KLF5: variants seen among roughly 807,000 people sequenced by gnomAD.
KLF5 encodes the protein KLF transcription factor 5, also known as Krueppel-like factor 5.
A neutral mutation model predicts 36.9 loss-of-function variants in KLF5; 9 were observed. The ratio of observed to expected loss-of-function variants is 0.24; its 90% CI spans 0.15 to 0.43. The LOEUF is 0.43. KLF5 is among the 20% of genes least tolerant of loss of function. The probability of loss-of-function intolerance (pLI) is 1.00; values close to 1 mark genes in which losing one functional copy is unlikely to be tolerated. For missense variants in KLF5, 524 were observed against 599.5 expected, an observed-to-expected ratio of 0.87 and a Z score of 1.31; for synonymous variants, 246 against 241.7, an observed-to-expected ratio of 1.02 and a Z score of -0.17.
chr13:73,059,455 C>T lies in KLF5; in HGVS notation c.128C>T (p.Ala43Val). The change falls in exon 1 of 4, where the codon GCG becomes GTG. Residue 43 changes from alanine (A) to valine (V), a missense_variant. Physicochemically the swap from Ala to Val is moderately conservative, Grantham distance 64 (BLOSUM62 0). This residue lies in a region of KLF5 where 454 missense variants were observed against 458.1 expected (regional missense o/e 0.99). Coordinates refer to ENST00000377687, the MANE Select transcript of KLF5 (RefSeq NM_001730.5). The stretch of plus-strand genomic sequence containing the variant: ...GGCGCCGCGAATCCGGCCCGCGACG[C>T]GGCGCTCTTCCCCGGCGAGGAGCTG... Reference protein sequence around the residue: ...VLGAANPARDAALFPGEELKH... With the variant: ...VLGAANPARDVALFPGEELKH... 1 of 1,279,514 alleles carries T rather than the reference C, an allele frequency of 7.8e-7. No individual in the cohort carries two copies. The highest frequency in any genetic ancestry group is 9.9e-7 in the Non-Finnish European group (1 of 1,013,554). 79.3% of individuals were successfully genotyped at this position (1,279,514 alleles called of 1,614,324 possible).
chr13:73,058,070 G>T (rs1200876197), upstream of KLF5, among the ~76,000 whole-genome samples: 1 of 152,182 alleles, frequency 6.6e-6, no homozygotes, highest in African/African-American at 2.4e-5. Context: ...AATGTGCTAG[G>T]TTTCTGCTTT....
At chr13:73,057,134 C>T (rs900791736), upstream of KLF5, among the ~76,000 whole-genome samples, 2 of 152,022 alleles carry the variant, frequency 1.3e-5, no homozygotes, top group East Asian at 1.9e-4. Context: ...ATACAGCTAC[C>T]GAATGTATTA....
chr13:73,060,064 G>C (rs1206324283), intron 1 of KLF5, among the ~76,000 whole-genome samples: 1 of 150,858 alleles, frequency 6.6e-6, no homozygotes, highest in Non-Finnish European at 1.5e-5. Context: ...TTTCATACCC[G>C]GTGGCTCAAC....
intron 3 of KLF5, 45 bp downstream of exon 3, chr13:73,063,928 A>C (rs534052969): frequency 2.5e-6 from 3 of 1,214,848 alleles, no homozygotes; most frequent in Middle Eastern, 1.9e-4. Flanking sequence ...TAAATAGTGT[A>C]AGTGGTATTC....
At chr13:73,059,773 A>ATG (rs1555336711) in intron 1 of KLF5, 185 bp downstream of exon 1, 25 of 466,070 alleles carry the variant, frequency 5.4e-5, no homozygotes, top group Non-Finnish European at 6.3e-5. Context: ...CTGAGAGTAA[A>ATG]TGGGGGGGGG....
intron 1 of KLF5, 76 bp downstream of exon 1, chr13:73,059,664 CAG>C (rs2044615714): frequency 9.5e-7 from 1 of 1,057,828 alleles, no homozygotes; most frequent in Non-Finnish European, 1.1e-6. Context: ...TCGCGGGCGA[CAG>C]GGGCCGCTCC....
intron 1 of KLF5, 55 bp downstream of exon 1, chr13:73,059,643 G>A: frequency 1.8e-6 from 2 of 1,121,728 alleles, no homozygotes; most frequent in Non-Finnish European, 2.2e-6. Flanking sequence ...GGCGTGTCCC[G>A]TTGCTGCGAC....
At chr13:73,066,015 TCCCTTGCATCAG>T (rs2044676946) in intron 3 of KLF5, among the ~76,000 whole-genome samples, 1 of 152,190 alleles carries the variant, frequency 6.6e-6, no homozygotes, top group Admixed American at 6.5e-5. Context: ...CTGGTTTGGG[TCCCTTGCATCAG>T]CTTTTTCACC....
At chr13:73,063,305 A>G (rs576217397) in intron 2 of KLF5, among the ~76,000 whole-genome samples, 2 of 152,222 alleles carry the variant, frequency 1.3e-5, no homozygotes, top group Non-Finnish European at 2.9e-5. Context: ...ACATGGCCCA[A>G]AGTATAAGTT....
Position 73,059,540 on chromosome 13 carries a change from C to T in KLF5, c.213C>T (p.Ala71=). The T allele has an allele frequency of 1.7e-6, 2 of 1,183,576 alleles. No homozygotes were observed. Among genetic ancestry groups the T allele is most frequent in the Non-Finnish European group, 2.1e-6 (2 of 960,874 alleles). The allele number at this position is 1,183,576 out of a possible 1,614,324, so 73.3% of individuals were successfully genotyped here. A position where few individuals can be genotyped will look rare whatever the true frequency, so the allele number is the denominator to read the frequency against. The change falls in exon 1 of 4, where the codon GCC becomes GCT. Residue 71 remains alanine (A), a synonymous_variant. Coordinates refer to ENST00000377687, the MANE Select transcript of KLF5 (RefSeq NM_001730.5). ...CGCCCGCGCAGGCCCCGCAGCCGGC[C>T]CAGCCGCCCGCCACCGGCCCGCGGC... ...QPAPAQAPQP[A]QPPATGPRLP...
intron 2 of KLF5, 103 bp from the exon 3 acceptor site, chr13:73,063,721 A>G (rs2044657915): frequency 5.0e-6 from 4 of 799,286 alleles, no homozygotes; most frequent in South Asian, 3.0e-5. Flanking sequence ...CTCATCTAGC[A>G]TGAGAGATTT....
rs1459494191 is a variant in KLF5 at position 73,062,056 on chromosome 13, T to G, written c.457T>G (p.Ser153Ala). ...ITHLRTGLYK[S>A]QRPCVTHIKT... ...TCACCTGAGAACTGGCCTCTACAAA[T>G]CCCAGAGACCGTGCGTAACACACAT... The change falls in exon 2 of 4, where the codon TCC (serine) becomes GCC (alanine). Residue 153 changes from serine to alanine, a missense_variant. Ser to Ala is a moderately conservative substitution (Grantham distance 99, BLOSUM62 1). Coordinates refer to ENST00000377687, the MANE Select transcript of KLF5 (RefSeq NM_001730.5). The G allele has an allele frequency of 1.9e-6, 3 of 1,613,950 alleles. No individual in the cohort carries two copies. The African/African-American group carries it at 4.0e-5, about 22-fold the overall frequency.
At chr13:73,059,712 T>C in intron 1 of KLF5, 124 bp downstream of exon 1, 1 of 892,952 alleles carries the variant, frequency 1.1e-6, no homozygotes, top group Non-Finnish European at 1.3e-6. Flanking sequence ...CCGGAGCCGG[T>C]GCTGGGTGGG....
In KLF5 at chr13:73,074,492, TA is replaced by T. The variant is rs368175451; in HGVS notation, c.1196-1210del. ...TACAAATTTATCTCACGAATTCTTA[TA>T]AAAAATTCATAGAAAATTATAAAAT... On this transcript the variant is annotated intron_variant, in intron 3 of 3. Transcript: ENST00000377687. Among the ~76,000 whole-genome samples, 1,334 of 152,316 alleles carry T rather than the reference TA, an allele frequency of 8.8e-3. 12 individuals carry two copies. Among genetic ancestry groups the T allele is most frequent in the Non-Finnish European group, 0.015 (987 of 68,018 alleles).
intron 1 of KLF5, among the ~76,000 whole-genome samples, chr13:73,061,080 G>A: frequency 6.6e-6 from 1 of 151,888 alleles, no homozygotes; most frequent in East Asian, 1.9e-4. Context: ...CCCCACCCAC[G>A]GGCTCCTTAG....
At position 73,059,363 on chromosome 13, in the gene KLF5, G is replaced by A. The variant is rs2044611191; in HGVS notation, c.36G>A (p.Leu12=). 7.0e-7 allele frequency: 1 copy of A among 1,421,396 alleles called. No individual in the cohort carries two copies. The highest frequency in any genetic ancestry group is 9.2e-7 in the Non-Finnish European group (1 of 1,088,554). The allele number at this position is 1,421,396 out of a possible 1,614,324, so 88.0% of individuals were successfully genotyped here. ...ATRVLSMSAR[L]GPVPQPPAPQ... Reference sequence around the variant, plus strand: ...GGGTGCTGAGCATGAGCGCCCGCCTGGGACCCGTGCCCCAGCCGCCGGCGC... The same window carrying A: ...GGGTGCTGAGCATGAGCGCCCGCCTAGGACCCGTGCCCCAGCCGCCGGCGC... The change falls in exon 1 of 4, where the codon CTG becomes CTA. Residue 12 remains leucine (L), a synonymous_variant. Coordinates refer to ENST00000377687, the MANE Select transcript of KLF5 (RefSeq NM_001730.5).
chr13:73,072,668 TA>T (rs1160431237), intron 3 of KLF5, among the ~76,000 whole-genome samples: 1 of 152,180 alleles, frequency 6.6e-6, no homozygotes, highest in Non-Finnish European at 1.5e-5. Flanking sequence ...TCTACGGGGT[TA>T]TTGTGAGGAA....
chr13:73,062,932 T>C (rs959276146), intron 2 of KLF5, among the ~76,000 whole-genome samples, 198 bp downstream of exon 2: 3 of 152,054 alleles, frequency 2.0e-5, no homozygotes, highest in Non-Finnish European at 4.4e-5. Context: ...GCTTTAACTT[T>C]GGTATGTAAA....
intron 1 of KLF5, among the ~76,000 whole-genome samples, chr13:73,060,306 G>A (rs1337806825): frequency 6.6e-6 from 1 of 151,974 alleles, no homozygotes; most frequent in Non-Finnish European, 1.5e-5. Context: ...TTTCGCCCAC[G>A]CAGGGAGTCA....
Sources: gnomAD v4.1 joint callset for allele counts (sites outside exome capture counted in the v4.1 genomes callset) on GRCh38, gnomAD v4.1.1 for gene constraint, gnomAD v4.1.1 regional missense constraint, MANE v1.5 for transcripts, NCBI Gene and HGNC (gene_info 2026-07-23, HGNC 2026-07-21) for gene names.